RBFOX1: variants seen among roughly 807,000 people sequenced by gnomAD.
The protein encoded by RBFOX1 is RNA binding protein fox-1 homolog 1.
RBFOX1 carries 8 observed loss-of-function variants against 57.7 expected under a neutral mutation model. The ratio of observed to expected loss-of-function variants is 0.14; its 90% confidence interval spans 0.08 to 0.25. The LOEUF is 0.25. Ranked by LOEUF, RBFOX1 falls within the 10% of genes least tolerant of loss-of-function variation. The pLI, the probability that RBFOX1 is intolerant of heterozygous loss-of-function variation, is 1.00. For synonymous variants in RBFOX1, 326 were observed against 222.4 expected (o/e 1.47, Z -4.15); for missense variants, 611 against 548.5 (o/e 1.11, Z -1.14).
chr16:7,116,058 A>G (rs1306247903), intron 4 of RBFOX1, among the ~76,000 whole-genome samples: 3 of 152,178 alleles, frequency 2.0e-5, no homozygotes, highest in African/African-American at 7.2e-5. Flanking sequence ...TGGTTTTCAT[A>G]ACAGCCCTTT....
intron 4 of RBFOX1, among the ~76,000 whole-genome samples, chr16:5,930,129 C>A (rs1030106460): frequency 3.3e-5 from 5 of 151,090 alleles, no homozygotes; most frequent in Non-Finnish European, 4.4e-5. Context: ...CAGGGTGCCT[C>A]CAGGGGCATC....
At chr16:6,452,709 C>T (rs771003308) in intron 2 of RBFOX1, among the ~76,000 whole-genome samples, 1 of 152,198 alleles carries the variant, frequency 6.6e-6, no homozygotes, top group Middle Eastern at 3.2e-3. Flanking sequence ...AGGTGGTTCA[C>T]AGTTTAGCCT....
intron 3 of RBFOX1, among the ~76,000 whole-genome samples, chr16:6,943,966 G>A (rs890777019): frequency 4.6e-5 from 7 of 152,084 alleles, no homozygotes; most frequent in African/African-American, 1.7e-4. Flanking sequence ...TGGGATTCTG[G>A]GGGCTGCCCA....
chr16:6,123,354 A>C (rs2096565807), intron 1 of RBFOX1, among the ~76,000 whole-genome samples: 1 of 152,232 alleles, frequency 6.6e-6, no homozygotes, highest in African/African-American at 2.4e-5. Flanking sequence ...CATGTGCTAT[A>C]ATATGGATGA....
intron 2 of RBFOX1, among the ~76,000 whole-genome samples, chr16:6,410,588 G>T (rs1567214284): frequency 6.6e-6 from 1 of 152,110 alleles, no homozygotes; most frequent in Admixed American, 6.5e-5. Flanking sequence ...TGGGATTACA[G>T]GTGTGAGCCA....
At chr16:6,693,475 C>G (rs12921814) in intron 3 of RBFOX1, among the ~76,000 whole-genome samples, 1 of 151,074 alleles carries the variant, frequency 6.6e-6, no homozygotes, top group African/African-American at 2.4e-5. Context: ...CACCATCATC[C>G]TCCTCCACTA....
At chr16:6,304,919 G>A (rs1461156146) in intron 1 of RBFOX1, among the ~76,000 whole-genome samples, 4 of 144,090 alleles carry the variant, frequency 2.8e-5, no homozygotes, top group African/African-American at 7.9e-5. Flanking sequence ...TCTGAGAGAC[G>A]TTGCTTTGTA....
intron 3 of RBFOX1, among the ~76,000 whole-genome samples, chr16:6,662,610 C>G (rs1306008423): frequency 1.3e-5 from 2 of 151,850 alleles, no homozygotes; most frequent in Admixed American, 6.6e-5. Flanking sequence ...AACTATTTCT[C>G]AGACCTTGAG....
At chr16:5,278,461 G>C (rs539362518) in intron 1 of RBFOX1, among the ~76,000 whole-genome samples, 1 of 152,244 alleles carries the variant, frequency 6.6e-6, no homozygotes, top group Non-Finnish European at 1.5e-5. Flanking sequence ...GTATTGCCTA[G>C]GTCGTCTTCC....
intron 4 of RBFOX1, among the ~76,000 whole-genome samples, chr16:7,403,371 A>G (rs1341478688): frequency 6.6e-6 from 1 of 152,110 alleles, no homozygotes; most frequent in African/African-American, 2.4e-5. Context: ...TTCTTTGACT[A>G]ACATCTCCCC....
intron 4 of RBFOX1, among the ~76,000 whole-genome samples, chr16:7,067,582 T>C (rs1036354731): frequency 1.3e-5 from 2 of 151,836 alleles, no homozygotes; most frequent in African/African-American, 4.8e-5. Context: ...ATGTGCACAA[T>C]GTTTAGGTTA....
chr16:5,375,727 C>T (rs1350607901), intron 1 of RBFOX1, among the ~76,000 whole-genome samples: 2 of 152,236 alleles, frequency 1.3e-5, no homozygotes, highest in Non-Finnish European at 2.9e-5. Context: ...TGGGAAACAT[C>T]TTTGGTGGTG....
At chr16:6,407,511 GAA>G (rs2093324111) in intron 2 of RBFOX1, among the ~76,000 whole-genome samples, 1 of 150,898 alleles carries the variant, frequency 6.6e-6, no homozygotes, top group Admixed American at 6.6e-5. Flanking sequence ...GAGACAGAGA[GAA>G]AGAGAGGAGA....
At chr16:6,204,138 A>T (rs1055404149) in intron 1 of RBFOX1, among the ~76,000 whole-genome samples, 1 of 152,158 alleles carries the variant, frequency 6.6e-6, no homozygotes, top group African/African-American at 2.4e-5. Flanking sequence ...ATTACCACTG[A>T]TGTTGTTGAT....
chr16:6,002,927 C>G (rs774820323), intron 4 of RBFOX1, among the ~76,000 whole-genome samples: 1 of 152,156 alleles, frequency 6.6e-6, no homozygotes, highest in Non-Finnish European at 1.5e-5. Flanking sequence ...TGCCCTTCAT[C>G]AACAAGGTTG....
chr16:5,826,877 C>G (rs962012833), intron 3 of RBFOX1, among the ~76,000 whole-genome samples: 3 of 152,124 alleles, frequency 2.0e-5, no homozygotes, highest in African/African-American at 7.2e-5. Flanking sequence ...GTGGCAGGAG[C>G]AAGCTAAGGA....
At chr16:7,309,859 T>A (rs150495615) in intron 4 of RBFOX1, among the ~76,000 whole-genome samples, 31 of 152,206 alleles carry the variant, frequency 2.0e-4, no homozygotes, top group African/African-American at 6.7e-4. Flanking sequence ...AGCTGACAGG[T>A]GTGGGTGTAA....
intron 4 of RBFOX1, among the ~76,000 whole-genome samples, chr16:7,368,365 A>G (rs997097198): frequency 1.3e-5 from 2 of 152,210 alleles, no homozygotes; most frequent in African/African-American, 2.4e-5. Context: ...TTTATCTTCA[A>G]AAGTGCCATA....
chr16:7,683,847 A>G (rs1372974524), intron 14 of RBFOX1, among the ~76,000 whole-genome samples: 1 of 151,938 alleles, frequency 6.6e-6, no homozygotes, highest in Non-Finnish European at 1.5e-5. Context: ...TTGCTAAAAA[A>G]AAACCTGCAT....
Sources: gnomAD v4.1 joint callset for allele counts (sites outside exome capture counted in the v4.1 genomes callset) on GRCh38, gnomAD v4.1.1 for gene constraint, MANE v1.5 for transcripts, NCBI Gene and HGNC (gene_info 2026-07-23, HGNC 2026-07-21) for gene names.